The following CEP78 variants were observed in gnomAD, a reference collection of about 807,000 sequenced individuals.
The protein encoded by CEP78 is centrosomal protein 78.
In CEP78, 76 loss-of-function variants were observed where a neutral mutation model predicts 81.2. The ratio of observed to expected loss-of-function variants is 0.94; its 90% CI spans 0.78 to 1.13. The LOEUF is 1.13. Among genes scored for constraint, CEP78 ranks in the 50% most tolerant of loss-of-function variants. The pLI, the probability that CEP78 is intolerant of heterozygous loss-of-function variation, is 0.00. For synonymous variants in CEP78, 293 were observed against 301.4 expected (o/e 0.97, Z 0.29); for missense variants, 918 against 846.8 (o/e 1.08, Z -1.04).
intron 9 of CEP78, among the ~76,000 whole-genome samples, chr9:78,252,808 G>C (rs1186177630): frequency 6.6e-6 from 1 of 152,148 alleles, no homozygotes; most frequent in Non-Finnish European, 1.5e-5. Context: ...TTTCACAACT[G>C]GTAATGTGAA....
chr9:78,250,025 C>T, intron 8 of CEP78: 1 of 346,036 alleles, frequency 2.9e-6, no homozygotes, highest in South Asian at 1.5e-4. Flanking sequence ...TTAAAAATGG[C>T]TAAGATATAA....
chr9:78,271,536 A>G lies in CEP78; in HGVS notation c.*685A>G, dbSNP rs1827688398. Reference sequence around the variant, plus strand: ...ATTATGAAACTGAAACACTCAGAAGATGGACTACACAGCAGAATGGATTCA... The same window carrying G: ...ATTATGAAACTGAAACACTCAGAAGGTGGACTACACAGCAGAATGGATTCA... On this transcript the variant is annotated 3_prime_UTR_variant, in exon 17 of 17. Coordinates refer to ENST00000643273, the MANE Select transcript of CEP78 (RefSeq NM_001330691.3). 1 of 152,216 alleles carries G rather than the reference A, an allele frequency of 6.6e-6. No homozygotes were observed. 9.4% of individuals were successfully genotyped at this position (152,216 alleles called of 1,614,324 possible).
Position 78,272,210 on chromosome 9 carries a change from A to C in CEP78, c.*1359A>C, listed in dbSNP as rs1827707250. On this transcript the variant is annotated 3_prime_UTR_variant, in exon 17 of 17. Coordinates refer to ENST00000643273, the MANE Select transcript of CEP78 (RefSeq NM_001330691.3). ...TGGGATTACAGGCATGAGCCACTGCATCCGGCCAAGATGGGTTCTTTCTTA... is the reference window on the plus strand; with the variant it reads ...TGGGATTACAGGCATGAGCCACTGCCTCCGGCCAAGATGGGTTCTTTCTTA... The C allele has an allele frequency of 6.6e-6, 1 of 152,416 alleles. No individual in the cohort carries two copies. Among genetic ancestry groups the C allele is most frequent in the Admixed American group, 6.6e-5 (1 of 15,264 alleles). 9.4% of individuals were successfully genotyped at this position (152,416 alleles called of 1,614,324 possible). A position where few individuals can be genotyped will look rare whatever the true frequency, so the allele number is the denominator to read the frequency against.
intron 5 of CEP78, 36 bp from the exon 6 acceptor site, chr9:78,246,633 A>G: frequency 7.6e-7 from 1 of 1,313,416 alleles, no homozygotes; most frequent in Admixed American, 2.1e-5. Context: ...AAATCTGTAT[A>G]GAATTAGCAA....
intron 5 of CEP78, among the ~76,000 whole-genome samples, chr9:78,244,735 C>T (rs554911626): frequency 2.6e-5 from 4 of 152,196 alleles, no homozygotes; most frequent in African/African-American, 9.6e-5. Flanking sequence ...CTTCAGGGTT[C>T]CATTATGTTA....
At position 78,275,226 on chromosome 9, in the gene CEP78, A is replaced by G. The variant is rs1827776875; in HGVS notation, c.*4375A>G. 1 of 152,234 alleles carries G rather than the reference A, an allele frequency of 6.6e-6. No homozygotes were observed. The allele number at this position is 152,234 out of a possible 1,614,324, so 9.4% of individuals were successfully genotyped here. A position where few individuals can be genotyped will look rare whatever the true frequency, so the allele number is the denominator to read the frequency against. ...AGATGAAATGTGACTGTTTAAAAAT[A>G]TGGATTGTAAAAATTGATAAAAAAT... On this transcript the variant is annotated 3_prime_UTR_variant, in exon 17 of 17. Transcript: ENST00000643273.
chr9:78,236,178 C>T lies in CEP78; in HGVS notation c.-173C>T. ...GTGGGGCGTTGAGGGGCCGGCCTAG[C>T]TTGGGGCTCTGGCCTTGCGTCTTCC... is the stretch of plus-strand genomic sequence containing the variant. On this transcript the variant is annotated 5_prime_UTR_variant, in exon 1 of 17. Transcript: ENST00000643273. 4 of 612,684 alleles carry T rather than the reference C, an allele frequency of 6.5e-6. No homozygotes were observed. The highest frequency in any genetic ancestry group is 2.0e-5 in the South Asian group (1 of 49,300). 38.0% of individuals were successfully genotyped at this position (612,684 alleles called of 1,614,324 possible). A position where few individuals can be genotyped will look rare whatever the true frequency, so the allele number is the denominator to read the frequency against.
chr9:78,264,358 T>G (rs1827416935), intron 13 of CEP78, 42 bp downstream of exon 13: 12 of 1,571,106 alleles, frequency 7.6e-6, no homozygotes, highest in Non-Finnish European at 1.0e-5. Context: ...CTCCATGACT[T>G]TAATGGTGTT....
rs563513879 is a variant in CEP78, at chr9:78,271,802, A to C, written c.*951A>C. 1 of 152,178 alleles carries C rather than the reference A, an allele frequency of 6.6e-6. No homozygotes were observed. The highest frequency in any genetic ancestry group is 2.1e-4 in the South Asian group (1 of 4,822). The allele number at this position is 152,178 out of a possible 1,614,324, so 9.4% of individuals were successfully genotyped here. On this transcript the variant is annotated 3_prime_UTR_variant, in exon 17 of 17. Transcript: ENST00000643273. ...TGTAACCATGAACCATTGGGCTTAA[A>C]TTATCTTCCCACCTCAGCCTCCCAA...
chr9:78,278,631 A>G lies in CEP78; in HGVS notation c.*7780A>G, dbSNP rs1827850260. On this transcript the variant is annotated 3_prime_UTR_variant, in exon 17 of 17. Transcript: ENST00000643273. ...GTCCTACTGTTTGGAAACACTGGCTAGAGTGTTTCAAACATCTGCTCTGTT... is the reference window on the plus strand; with the variant it reads ...GTCCTACTGTTTGGAAACACTGGCTGGAGTGTTTCAAACATCTGCTCTGTT... The G allele has an allele frequency of 6.6e-6, 1 of 152,244 alleles. No individual in the cohort carries two copies. Among genetic ancestry groups the G allele is most frequent in the African/African-American group, 2.4e-5 (1 of 41,468 alleles). The allele number at this position is 152,244 out of a possible 1,614,324, so 9.4% of individuals were successfully genotyped here.
At chr9:78,243,031 T>G (rs952760472) in intron 4 of CEP78, among the ~76,000 whole-genome samples, 1 of 152,172 alleles carries the variant, frequency 6.6e-6, no homozygotes, top group African/African-American at 2.4e-5. Flanking sequence ...TGTATATAGT[T>G]TATTAATAAA....
At chr9:78,240,268 T>G in intron 2 of CEP78, 24 bp from the exon 3 acceptor site, 1 of 1,609,956 alleles carries the variant, frequency 6.2e-7, no homozygotes, top group East Asian at 2.2e-5. Flanking sequence ...CAATAACATT[T>G]TTAACTTTTC....
chr9:78,243,645 A>G lies in CEP78; in HGVS notation c.778+9A>G, dbSNP rs1405892817. On this transcript the variant is annotated intron_variant, in intron 5 of 16. Coordinates refer to ENST00000643273, the MANE Select transcript of CEP78 (RefSeq NM_001330691.3). ...GGATTTATGGCTGAGAGGTAAGTTA[A>G]ATGAACTTGTAAGGTGGAAAATATT... 6.2e-7 allele frequency: 1 copy of G among 1,610,894 alleles called. No homozygotes were observed.
intron 3 of CEP78, 112 bp downstream of exon 3, chr9:78,240,476 G>T: frequency 1.1e-6 from 1 of 887,970 alleles, no homozygotes; most frequent in Non-Finnish European, 1.8e-6. Flanking sequence ...TCATATGCTT[G>T]TTCAAACCTT....
At chr9:78,236,729 G>T in intron 1 of CEP78, 126 bp downstream of exon 1, 1 of 1,265,858 alleles carries the variant, frequency 7.9e-7, no homozygotes, top group Non-Finnish European at 1.1e-6. Flanking sequence ...TCACGAGCTA[G>T]GTGAGTGGCT....
At chr9:78,241,890 T>C (rs1826251057) in intron 4 of CEP78, 91 bp downstream of exon 4, 1 of 718,728 alleles carries the variant, frequency 1.4e-6, no homozygotes, top group African/African-American at 1.8e-5. Flanking sequence ...TTTTGTCTTT[T>C]GATACATATG....
chr9:78,254,714 G>T, intron 10 of CEP78, 122 bp from the exon 11 acceptor site: 1 of 624,362 alleles, frequency 1.6e-6, no homozygotes, highest in African/African-American at 1.8e-5. Context: ...TTAGACTAAG[G>T]AGTAGTGATA....
Position 78,277,876 on chromosome 9 carries a change from A to AATCTG in CEP78, c.*7025_*7026insATCTG, listed in dbSNP as rs1827835347. 1 of 152,222 alleles carries AATCTG rather than the reference A, an allele frequency of 6.6e-6. No homozygotes were observed. The highest frequency in any genetic ancestry group is 1.5e-5 in the Non-Finnish European group (1 of 68,038). 9.4% of individuals were successfully genotyped at this position (152,222 alleles called of 1,614,324 possible). ...TACATACCAATTTCTGACATATAACACTCTGCAGCAGATAAAGACAATAGC... is the reference window on the plus strand; with the variant it reads ...TACATACCAATTTCTGACATATAACAATCTGCTCTGCAGCAGATAAAGACAATAGC... On this transcript the variant is annotated 3_prime_UTR_variant, in exon 17 of 17. Transcript: ENST00000643273.
chr9:78,240,462 T>C (rs1487144574), intron 3 of CEP78, 98 bp downstream of exon 3: 1 of 976,222 alleles, frequency 1.0e-6, no homozygotes, highest in Non-Finnish European at 1.6e-6. Flanking sequence ...TTCTTACTAC[T>C]GCCTCATATG....
Sources: gnomAD v4.1 joint callset for allele counts (sites outside exome capture counted in the v4.1 genomes callset) on GRCh38, gnomAD v4.1.1 for gene constraint, MANE v1.5 for transcripts, NCBI Gene and HGNC (gene_info 2026-07-23, HGNC 2026-07-21) for gene names.